LRP1: variants seen among roughly 807,000 people sequenced by gnomAD.
The protein encoded by LRP1 is LDL receptor related protein 1.
Under a neutral mutation model 541.5 loss-of-function variants are expected in LRP1, and 51 were observed. The observed-to-expected ratio is 0.09, with a 90% CI of 0.08 to 0.12. The LOEUF (loss-of-function observed/expected upper bound fraction) is 0.12, where lower values mean the gene tolerates loss of function less well. Among genes scored for constraint, LRP1 ranks in the 10% least tolerant of loss-of-function variants. The pLI, the probability that LRP1 is intolerant of heterozygous loss-of-function variation, is 1.00. For missense variants in LRP1, 3,878 were observed against 6,376.2 expected, an observed-to-expected ratio of 0.61 and a Z score of 13.34; for synonymous variants, 2,219 against 2,470.8, an observed-to-expected ratio of 0.90 and a Z score of 3.02.
intron 41 of LRP1, among the ~76,000 whole-genome samples, chr12:57,186,356 G>A (rs2036270952): frequency 6.6e-6 from 1 of 152,228 alleles, no homozygotes; most frequent in Non-Finnish European, 1.5e-5. Context: ...CGGAGTGTGT[G>A]CTCTGGAAAG....
intron 82 of LRP1, 31 bp downstream of exon 82, chr12:57,210,511 C>A: frequency 6.6e-7 from 1 of 1,517,982 alleles, no homozygotes; most frequent in South Asian, 1.3e-5. Context: ...ACGCCTGCTC[C>A]TTGCCCCTGG....
intron 3 of LRP1, among the ~76,000 whole-genome samples, 190 bp downstream of exon 3, chr12:57,141,701 G>T (rs1320152797): frequency 6.6e-6 from 1 of 152,216 alleles, no homozygotes; most frequent in African/African-American, 2.4e-5. Flanking sequence ...AGCCCTGTGG[G>T]CCTCAGCCGT....
intron 19 of LRP1, among the ~76,000 whole-genome samples, chr12:57,167,811 G>A (rs1159112661): frequency 3.9e-5 from 6 of 152,232 alleles, no homozygotes; most frequent in Non-Finnish European, 8.8e-5. Context: ...GAGTGAGATG[G>A]GCCAGAGAGG....
In LRP1 at chr12:57,198,333, G is replaced by A. The variant is rs765587632; in HGVS notation, c.9460G>A (p.Val3154Met). 2 of 1,613,432 alleles carry A rather than the reference G, an allele frequency of 1.2e-6. No individual in the cohort carries two copies. Among genetic ancestry groups the A allele is most frequent in the South Asian group, 1.1e-5 (1 of 91,060 alleles). Residue 3154 changes from valine (V) to methionine (M), a missense_variant, in exon 59 of 89, where the codon GTG becomes ATG. Val to Met is a conservative substitution (Grantham distance 21). Transcript: ENST00000243077. ...LREPRALVVD[V>M]QNGYLYWTDW... Reference sequence around the variant, plus strand: ...TGAGCCCAGGGCTCTGGTGGTGGATGTGCAGAATGGGTATGTGGCTGAGGA... The same window carrying A: ...TGAGCCCAGGGCTCTGGTGGTGGATATGCAGAATGGGTATGTGGCTGAGGA...
chr12:57,129,612 G>C (rs1330655842), intron 1 of LRP1, among the ~76,000 whole-genome samples: 1 of 152,220 alleles, frequency 6.6e-6, no homozygotes, highest in Non-Finnish European at 1.5e-5. Context: ...CCTGGGTGCT[G>C]AAGTAGGCTC....
At chr12:57,129,752 C>T (rs1246159833) in intron 1 of LRP1, among the ~76,000 whole-genome samples, 3 of 152,108 alleles carry the variant, frequency 2.0e-5, no homozygotes, top group African/African-American at 7.2e-5. Context: ...GATGAAAAAA[C>T]GTCAGATGTC....
chr12:57,167,668 CAGG>C, intron 19 of LRP1, 144 bp downstream of exon 19: 2 of 660,092 alleles, frequency 3.0e-6, no homozygotes, highest in Non-Finnish European at 5.3e-6. Context: ...TGGGAGAAAA[CAGG>C]AGAAGTCAGA....
rs191945406 is a variant in LRP1, at chr12:57,154,422, C to T, written c.1004+52C>T. On this transcript the variant is annotated intron_variant, in intron 7 of 88. Transcript: ENST00000243077. This position sits in a 1 kb window ranked among gnomAD's most constrained non-coding sequence, Gnocchi z 4.6. ...CCTGGAAGGTGGGAGGCTGAGGCTA[C>T]AGTGGTAAGGAGGGTGCCCAATGTC... is the stretch of plus-strand genomic sequence containing the variant. The T allele has an allele frequency of 6.2e-7, 1 of 1,604,112 alleles. No individual in the cohort carries two copies. Among genetic ancestry groups the T allele is most frequent in the African/African-American group, 1.3e-5 (1 of 74,856 alleles).
rs2036765350 is a variant in LRP1, at chr12:57,205,791, G to T, written c.11590+114G>T. 4 of 1,449,644 alleles carry T rather than the reference G, an allele frequency of 2.8e-6. No homozygotes were observed. Among genetic ancestry groups the T allele is most frequent in the Non-Finnish European group, 2.8e-6 (3 of 1,080,126 alleles). The allele number at this position is 1,449,644 out of a possible 1,614,324, so 89.8% of individuals were successfully genotyped here. ...TGCGGACATCTTGCCCAGACAAGAA[G>T]CCCCAGACTCATAGTTGCAGCTGCC... On this transcript the variant is annotated intron_variant, in intron 75 of 88. Transcript: ENST00000243077. This position sits in a 1 kb window ranked among gnomAD's most constrained non-coding sequence, Gnocchi z 4.6.
At chr12:57,186,993 C>A (rs2136713317) in intron 41 of LRP1, among the ~76,000 whole-genome samples, 1 of 152,348 alleles carries the variant, frequency 6.6e-6, no homozygotes, top group South Asian at 2.1e-4. Context: ...ACTGCAGCTC[C>A]AGGAAAGTGC....
chr12:57,170,965 C>G (rs1196670973), intron 20 of LRP1, among the ~76,000 whole-genome samples: 1 of 152,174 alleles, frequency 6.6e-6, no homozygotes, highest in African/African-American at 2.4e-5. Flanking sequence ...CGTTGAGTGC[C>G]CACCTTGAGC....
chr12:57,203,040 A>C, intron 68 of LRP1, 141 bp from the exon 69 acceptor site: 1 of 648,000 alleles, frequency 1.5e-6, no homozygotes, highest in Non-Finnish European at 2.6e-6. Flanking sequence ...GGGCTCTGCC[A>C]GGACTGGCTC....
rs1172646336 is a variant in LRP1 at position 57,179,930 on chromosome 12, T to C, written c.5115T>C (p.His1705=). The change falls in exon 30 of 89, where the codon CAT becomes CAC. Residue 1705 remains histidine, a synonymous_variant. Transcript: ENST00000243077. This position sits in a 1 kb window ranked among gnomAD's most constrained non-coding sequence, Gnocchi z 6.8. ...TGGTGCAGGGCCTGGAGCAGCCCCA[T>C]GGCCTTGTCGTCCACCCTCTGCGTG... ...NAVVQGLEQP[H]GLVVHPLRGK... is the part of the protein sequence containing the mutation. 1 of 1,614,102 alleles carries C rather than the reference T, an allele frequency of 6.2e-7. No homozygotes were observed. Among genetic ancestry groups the C allele is most frequent in the South Asian group, 1.1e-5 (1 of 91,086 alleles).
At chr12:57,175,845 C>A in intron 23 of LRP1, 64 bp from the exon 24 acceptor site, 1 of 1,591,612 alleles carries the variant, frequency 6.3e-7, no homozygotes, top group Non-Finnish European at 8.6e-7. Context: ...CCTGCCTGCG[C>A]CAGGACGGGT....
chr12:57,151,033 G>A (rs964757756), intron 6 of LRP1, among the ~76,000 whole-genome samples: 3 of 150,974 alleles, frequency 2.0e-5, no homozygotes, highest in African/African-American at 7.3e-5. Flanking sequence ...TGTGTTGGGT[G>A]ACATTTTCTC....
Position 57,133,622 on chromosome 12 carries a change from G to GC in LRP1, c.67+4598dup, listed in dbSNP as rs1227522096. Among the ~76,000 whole-genome samples the GC allele has an allele frequency of 5.5e-4, 27 of 49,474 alleles. 1 individual carries two copies. The highest frequency in any genetic ancestry group is 3.7e-4 in the Non-Finnish European group (9 of 24,270). 32.5% of individuals were successfully genotyped at this position (49,474 alleles called of 152,430 possible). On this transcript the variant is annotated intron_variant, in intron 1 of 88. Transcript: ENST00000243077. Reference sequence around the variant, plus strand: ...TTCCTGCAGGCTCTGTCCCCGCGCCGCCCCCCCACCCCACCCCCCGCACCT... The same window carrying GC: ...TTCCTGCAGGCTCTGTCCCCGCGCCGCCCCCCCCACCCCACCCCCCGCACCT...
chr12:57,166,435 CCTCT>C (rs2035841603), intron 17 of LRP1: 2 of 523,180 alleles, frequency 3.8e-6, no homozygotes, highest in Non-Finnish European at 6.7e-6. Flanking sequence ...GTGGCGTGCA[CCTCT>C]AGTCCCAGCT....
chr12:57,166,275 C>G, intron 17 of LRP1, 66 bp downstream of exon 17: 1 of 1,521,674 alleles, frequency 6.6e-7, no homozygotes, highest in Admixed American at 2.0e-5. Context: ...GACGAGGGGG[C>G]CAGGTTCAGT....
rs2035824262 is a variant in LRP1, at chr12:57,165,706, T to TA, written c.2531-93dup. On this transcript the variant is annotated intron_variant, in intron 15 of 88. Coordinates refer to ENST00000243077, the MANE Select transcript of LRP1 (RefSeq NM_002332.3). The surrounding 1 kb of genome is among the most constrained non-coding windows in gnomAD (Gnocchi z 4.5). ...ACTAGAAAAAATTACTTTGTATTAT[T>TA]AAAAAATAGTAAAACAAACAAAAAT... 2 of 1,264,874 alleles carry TA rather than the reference T, an allele frequency of 1.6e-6. No individual in the cohort carries two copies. Among genetic ancestry groups the TA allele is most frequent in the Non-Finnish European group, 2.2e-6 (2 of 907,984 alleles). 78.4% of individuals were successfully genotyped at this position (1,264,874 alleles called of 1,614,324 possible).
Sources: allele counts gnomAD v4.1 joint callset (sites outside exome capture counted in the v4.1 genomes callset), GRCh38; gene constraint gnomAD v4.1.1; non-coding constraint Gnocchi (gnomAD v3.1); transcripts MANE v1.5; gene names NCBI Gene and HGNC (gene_info 2026-07-23, HGNC 2026-07-21).